The following FHIT variants were observed in gnomAD, a reference collection of about 807,000 sequenced individuals.
FHIT encodes bis(5'-adenosyl)-triphosphatase.
A neutral mutation model predicts 17.9 loss-of-function variants in FHIT; 19 were observed. That is an observed-to-expected ratio of 1.06 (90% confidence interval 0.74 to 1.56). FHIT has a LOEUF of 1.56. Among genes scored for constraint, FHIT ranks in the 40% most tolerant of loss-of-function variants. FHIT has a pLI of 0.00. For synonymous variants in FHIT, 81 were observed against 69.7 expected (o/e 1.16, Z -0.81); for missense variants, 248 against 189.2 (o/e 1.31, Z -1.82).
chr3:60,442,780 T>C (rs2031003966), intron 5 of FHIT, among the ~76,000 whole-genome samples: 1 of 152,190 alleles, frequency 6.6e-6, no homozygotes, highest in Admixed American at 6.5e-5. Context: ...CCATAAGAAC[T>C]TTAAAGTAAT....
intron 3 of FHIT, among the ~76,000 whole-genome samples, chr3:60,926,541 G>A (rs1458370781): frequency 6.6e-6 from 1 of 152,114 alleles, no homozygotes; most frequent in Non-Finnish European, 1.5e-5. Flanking sequence ...AGAATCTGTG[G>A]GACACATTCA....
At chr3:60,535,419 A>AATTTACAG (rs2035945783) in intron 5 of FHIT, among the ~76,000 whole-genome samples, 1 of 152,174 alleles carries the variant, frequency 6.6e-6, no homozygotes, top group African/African-American at 2.4e-5. Context: ...TTAACACCTG[A>AATTTACAG]ATTTACAGAC....
chr3:60,854,971 G>T (rs1219151878), intron 3 of FHIT, among the ~76,000 whole-genome samples: 2 of 152,080 alleles, frequency 1.3e-5, no homozygotes, highest in Non-Finnish European at 2.9e-5. Flanking sequence ...TATCTAGGGA[G>T]GTTCAGGGAA....
intron 4 of FHIT, among the ~76,000 whole-genome samples, chr3:60,752,776 T>A (rs1408621089): frequency 1.3e-5 from 2 of 152,124 alleles, no homozygotes; most frequent in Non-Finnish European, 2.9e-5. Context: ...CTCCCAATTC[T>A]ATCACCCAGA....
intron 5 of FHIT, among the ~76,000 whole-genome samples, chr3:60,269,304 T>C (rs927183128): frequency 6.6e-6 from 1 of 152,246 alleles, no homozygotes; most frequent in Admixed American, 6.5e-5. Context: ...CTTTGGTTGA[T>C]GTAGTTAATC....
At chr3:60,512,780 T>C (rs982824689) in intron 5 of FHIT, among the ~76,000 whole-genome samples, 2 of 152,180 alleles carry the variant, frequency 1.3e-5, no homozygotes, top group East Asian at 3.8e-4. Context: ...ATCAAGATAG[T>C]AGGCTGTTGC....
At chr3:60,425,744 T>C (rs991687221) in intron 5 of FHIT, among the ~76,000 whole-genome samples, 2 of 152,114 alleles carry the variant, frequency 1.3e-5, no homozygotes, top group African/African-American at 2.4e-5. Flanking sequence ...ACAGGCTAAG[T>C]AGTTAAATCA....
At chr3:60,489,178 G>T (rs565988286) in intron 5 of FHIT, among the ~76,000 whole-genome samples, 1 of 152,158 alleles carries the variant, frequency 6.6e-6, no homozygotes, top group African/African-American at 2.4e-5. Context: ...TAGAAACAGA[G>T]TTCTAACATA....
chr3:60,459,988 A>C (rs550337768), intron 5 of FHIT, among the ~76,000 whole-genome samples: 1 of 152,202 alleles, frequency 6.6e-6, no homozygotes, highest in Non-Finnish European at 1.5e-5. Flanking sequence ...CTCATGTTGC[A>C]ATCAGCAACC....
chr3:61,205,608 C>A (rs758741324), intron 1 of FHIT, among the ~76,000 whole-genome samples: 35 of 152,262 alleles, frequency 2.3e-4, no homozygotes, highest in African/African-American at 7.9e-4. Flanking sequence ...CTTTTGGCTG[C>A]GTAAATGTCT....
At chr3:60,486,181 C>T (rs1319001716) in intron 5 of FHIT, among the ~76,000 whole-genome samples, 1 of 151,998 alleles carries the variant, frequency 6.6e-6, no homozygotes. Context: ...TAAATATTTA[C>T]ACAACACTTA....
chr3:60,303,291 G>A (rs1708523980), intron 5 of FHIT, among the ~76,000 whole-genome samples: 1 of 152,192 alleles, frequency 6.6e-6, no homozygotes, highest in African/African-American at 2.4e-5. Context: ...TGGTTTAGAA[G>A]AAGACTGCAG....
chr3:60,952,179 C>CAA (rs67284263), intron 3 of FHIT, among the ~76,000 whole-genome samples: 9 of 103,264 alleles, frequency 8.7e-5, no homozygotes, highest in South Asian at 2.8e-4. Context: ...ACCCCCCCCC[C>CAA]AAAAAAAAAA....
At position 60,485,650 on chromosome 3, in the gene FHIT, T is replaced by TG. The variant is rs550858750; in HGVS notation, c.103+51209dup. 4.8e-3 allele frequency among the ~76,000 whole-genome samples: 682 copies of TG among 141,918 alleles called. 10 individuals carry two copies. The highest frequency in any genetic ancestry group is 0.017 in the African/African-American group (632 of 38,056). 93.1% of individuals were successfully genotyped at this position (141,918 alleles called of 152,430 possible). On this transcript the variant is annotated intron_variant, in intron 5 of 9. Transcript: ENST00000492590. The stretch of plus-strand genomic sequence containing the variant: ...GGGAACAACACACACCAAGGCCTGT[T>TG]GGGGGTGGGGGGCAAGGGGAGGGAA...
intron 4 of FHIT, among the ~76,000 whole-genome samples, chr3:60,545,999 C>G (rs1301617641): frequency 6.6e-6 from 1 of 152,084 alleles, no homozygotes; most frequent in African/African-American, 2.4e-5. Flanking sequence ...TGGATATGTT[C>G]CTATTCATTT....
At chr3:60,687,968 A>G (rs1207112675) in intron 4 of FHIT, among the ~76,000 whole-genome samples, 1 of 151,810 alleles carries the variant, frequency 6.6e-6, no homozygotes, top group African/African-American at 2.4e-5. Context: ...TGCCAAGATT[A>G]CTTTTTTTTT....
At chr3:59,765,547 C>T (rs1701750291) in intron 8 of FHIT, among the ~76,000 whole-genome samples, 1 of 152,226 alleles carries the variant, frequency 6.6e-6, no homozygotes, top group African/African-American at 2.4e-5. Context: ...GGACTTATTA[C>T]TCAGACAGTC....
At chr3:60,263,846 C>A (rs981204307) in intron 5 of FHIT, among the ~76,000 whole-genome samples, 3 of 151,102 alleles carry the variant, frequency 2.0e-5, no homozygotes, top group Non-Finnish European at 4.4e-5. Flanking sequence ...ACAAGTTCTT[C>A]ATTTGCAATC....
chr3:60,941,701 T>C (rs1425722700), intron 3 of FHIT, among the ~76,000 whole-genome samples: 1 of 152,218 alleles, frequency 6.6e-6, no homozygotes, highest in Non-Finnish European at 1.5e-5. Flanking sequence ...CCATATTCCA[T>C]GGCAACCACT....
Sources: gnomAD v4.1 joint callset for allele counts (sites outside exome capture counted in the v4.1 genomes callset) on GRCh38, gnomAD v4.1.1 for gene constraint, MANE v1.5 for transcripts, NCBI Gene and HGNC (gene_info 2026-07-23, HGNC 2026-07-21) for gene names.